The following AKAP8L variants were observed in gnomAD, a reference collection of about 807,000 sequenced individuals.
AKAP8L encodes A-kinase anchoring protein 8 like, also known as A-kinase anchor protein 8-like.
Under a neutral mutation model 77.5 loss-of-function variants are expected in AKAP8L, and 34 were observed. The ratio of observed to expected loss-of-function variants is 0.44; its 90% CI spans 0.33 to 0.58. The LOEUF is 0.58. AKAP8L is among the 20% of genes least tolerant of loss of function. AKAP8L has a pLI of 0.02. For synonymous variants in AKAP8L, 342 were observed against 340.7 expected, an observed-to-expected ratio of 1.00 and a Z score of -0.04; for missense variants, 806 against 887.6, an observed-to-expected ratio of 0.91 and a Z score of 1.17.
intron 12 of AKAP8L, among the ~76,000 whole-genome samples, chr19:15,389,854 A>G (rs1382526773): frequency 6.6e-6 from 1 of 152,166 alleles, no homozygotes; most frequent in Non-Finnish European, 1.5e-5. Context: ...GCCAAGAGTC[A>G]AAGACAGGGG....
At chr19:15,389,544 G>A (rs925314561) in intron 12 of AKAP8L, among the ~76,000 whole-genome samples, 2 of 151,448 alleles carry the variant, frequency 1.3e-5, no homozygotes, top group Non-Finnish European at 2.9e-5. Flanking sequence ...AGGCCGAGGC[G>A]GGCAGATCAC....
chr19:15,398,168 T>G lies in AKAP8L; in HGVS notation c.1158-313A>C. On this transcript the variant is annotated intron_variant, in intron 9 of 13. Coordinates refer to ENST00000397410, the MANE Select transcript of AKAP8L (RefSeq NM_014371.4). This position sits in a 1 kb window ranked among gnomAD's most constrained non-coding sequence, Gnocchi z 9.2. Reference sequence around the variant, plus strand: ...CTGGAAAGTTGCTGGAGGGCCTCGCTACCAAGGCTGGGCAGGAGCGTGTGC... The same window carrying G: ...CTGGAAAGTTGCTGGAGGGCCTCGCGACCAAGGCTGGGCAGGAGCGTGTGC... 3 of 397,778 alleles carry G rather than the reference T, an allele frequency of 7.5e-6. No individual in the cohort carries two copies. Among genetic ancestry groups the G allele is most frequent in the East Asian group, 1.1e-4 (2 of 18,802 alleles). 24.6% of individuals were successfully genotyped at this position (397,778 alleles called of 1,614,324 possible).
At chr19:15,414,783 T>C (rs1968174092) in intron 1 of AKAP8L, among the ~76,000 whole-genome samples, 1 of 151,866 alleles carries the variant, frequency 6.6e-6, no homozygotes, top group African/African-American at 2.4e-5. Context: ...CCACCACGCC[T>C]AGCCCACGGA....
At chr19:15,395,892 G>A (rs1202325295) in intron 12 of AKAP8L, among the ~76,000 whole-genome samples, 2 of 141,052 alleles carry the variant, frequency 1.4e-5, no homozygotes, top group Non-Finnish European at 3.0e-5. Context: ...GCTGAGGCAG[G>A]AGAATGGCGT....
chr19:15,405,597 T>C (rs891927021), intron 2 of AKAP8L, among the ~76,000 whole-genome samples: 1 of 151,218 alleles, frequency 6.6e-6, no homozygotes. Flanking sequence ...CAAGTGACTG[T>C]TTGTACCAGG....
In AKAP8L at chr19:15,405,650, G is replaced by A. The variant is rs367702193; in HGVS notation, c.89-1608C>T. Among the ~76,000 whole-genome samples the A allele has an allele frequency of 1.6e-3, 244 of 152,206 alleles. 5 individuals are homozygous for A. The highest frequency in any genetic ancestry group is 5.6e-3 in the African/African-American group (234 of 41,538). On this transcript the variant is annotated intron_variant, in intron 2 of 13. Coordinates refer to ENST00000397410, the MANE Select transcript of AKAP8L (RefSeq NM_014371.4). ...ATTCTAAAGAAAATAGGAGTTGGGC[G>A]TGGTGGCTCATGCCTGTAATCCCAG...
chr19:15,407,578 A>C, intron 2 of AKAP8L, among the ~76,000 whole-genome samples: 1 of 152,260 alleles, frequency 6.6e-6, no homozygotes, highest in East Asian at 1.9e-4. Context: ...TACAAGGTAA[A>C]CCTACAAATC....
intron 1 of AKAP8L, among the ~76,000 whole-genome samples, chr19:15,417,426 G>C (rs182413562): frequency 1.3e-5 from 2 of 152,198 alleles, no homozygotes. Flanking sequence ...ACTTCTTTGC[G>C]GTAGGTGTCA....
chr19:15,399,269 G>A lies in AKAP8L; in HGVS notation c.1157+33C>T. 1 of 1,569,524 alleles carries A rather than the reference G, an allele frequency of 6.4e-7. No homozygotes were observed. Among genetic ancestry groups the A allele is most frequent in the African/African-American group, 1.3e-5 (1 of 74,186 alleles). On this transcript the variant is annotated intron_variant, in intron 9 of 13. Coordinates refer to ENST00000397410, the MANE Select transcript of AKAP8L (RefSeq NM_014371.4). The surrounding 1 kb of genome is among the most constrained non-coding windows in gnomAD (Gnocchi z 6.1). Reference sequence around the variant, plus strand: ...CTCCTGGCGGCAGCCCCACAGCGAGGCAGAGGCAGAGGGGTGGAGGGAAGC... The same window carrying A: ...CTCCTGGCGGCAGCCCCACAGCGAGACAGAGGCAGAGGGGTGGAGGGAAGC...
intron 12 of AKAP8L, among the ~76,000 whole-genome samples, chr19:15,394,973 T>G (rs1454229317): frequency 7.3e-6 from 1 of 137,546 alleles, no homozygotes; most frequent in African/African-American, 2.8e-5. Context: ...TTTTTTTTTT[T>G]AACTTCTTTT....
chr19:15,385,634 C>T lies in AKAP8L; in HGVS notation c.1537-5022G>A, dbSNP rs1405913476. Among the ~76,000 whole-genome samples the T allele has an allele frequency of 1.4e-4, 22 of 152,186 alleles. 1 individual carries two copies. Among genetic ancestry groups the T allele is most frequent in the Non-Finnish European group, 4.4e-5 (3 of 68,012 alleles). The stretch of plus-strand genomic sequence containing the variant: ...TATTTTTTTGAGACAGAGTCTTGCT[C>T]TGTTGCCCCGGCTGGAATGCAGTGG... On this transcript the variant is annotated intron_variant, in intron 12 of 13. Coordinates refer to ENST00000397410, the MANE Select transcript of AKAP8L (RefSeq NM_014371.4).
At chr19:15,411,580 C>T (rs537872612) in intron 1 of AKAP8L, among the ~76,000 whole-genome samples, 14 of 152,136 alleles carry the variant, frequency 9.2e-5, no homozygotes, top group Middle Eastern at 6.8e-3. Context: ...GCTATGATTG[C>T]GCCACTGCAT....
At chr19:15,411,560 G>A (rs1968105517) in intron 1 of AKAP8L, among the ~76,000 whole-genome samples, 1 of 152,082 alleles carries the variant, frequency 6.6e-6, no homozygotes. Context: ...GAAGGTCAAG[G>A]CTGCAGTGAG....
chr19:15,382,320 G>A (rs1409415823), intron 12 of AKAP8L, among the ~76,000 whole-genome samples: 1 of 151,320 alleles, frequency 6.6e-6, no homozygotes, highest in African/African-American at 2.4e-5. Context: ...TCATGCCTCA[G>A]CCTCCTGAGT....
intron 12 of AKAP8L, among the ~76,000 whole-genome samples, chr19:15,385,977 C>T (rs949297843): frequency 3.3e-5 from 5 of 150,198 alleles, no homozygotes; most frequent in African/African-American, 1.2e-4. Context: ...GTGGCGCGAT[C>T]TCGGCTCACT....
chr19:15,389,371 G>GT (rs1967611814), intron 12 of AKAP8L, among the ~76,000 whole-genome samples: 1 of 152,108 alleles, frequency 6.6e-6, no homozygotes, highest in South Asian at 2.1e-4. Context: ...CAACATACGG[G>GT]TAATGAGCAT....
rs1968273609 is a variant in AKAP8L, at chr19:15,418,920, T to A, written c.4A>T (p.Ser2Cys). Residue 2 changes from serine to cysteine, a missense_variant, in exon 1 of 14, where the codon AGC becomes TGC. Ser to Cys is a moderately radical substitution (Grantham distance 112). This residue lies in a region of AKAP8L where 580 missense variants were observed against 694.1 expected (regional missense o/e 0.84). Coordinates refer to ENST00000397410, the MANE Select transcript of AKAP8L (RefSeq NM_014371.4). Reference sequence around the variant, plus strand: ...ACCCTGCCAGGCCCACCTGTGTAGCTCATGGTGGCGGGCAACACAACATCC... The same window carrying A: ...ACCCTGCCAGGCCCACCTGTGTAGCACATGGTGGCGGGCAACACAACATCC... M[S>C]YTGFVQGSET... 6.2e-7 allele frequency: 1 copy of A among 1,604,436 alleles called. No individual in the cohort carries two copies.
In AKAP8L at chr19:15,397,723, G is replaced by A. The variant is rs2145127402; in HGVS notation, c.1290C>T (p.Asp430=). Residue 430 remains aspartate (D), a synonymous_variant, in exon 10 of 14, where the codon GAC becomes GAT. Transcript: ENST00000397410. This position sits in a 1 kb window ranked among gnomAD's most constrained non-coding sequence, Gnocchi z 4.7. ...VGTKLPKQTA[D]FLQEYVTNKT... Reference sequence around the variant, plus strand: ...TTACTCCAAGGCTCACCTGCAGAAAGTCAGCCGTCTGCTTAGGGAGCTTGG... The same window carrying A: ...TTACTCCAAGGCTCACCTGCAGAAAATCAGCCGTCTGCTTAGGGAGCTTGG... 2 of 1,614,058 alleles carry A rather than the reference G, an allele frequency of 1.2e-6. No individual in the cohort carries two copies. Among genetic ancestry groups the A allele is most frequent in the East Asian group, 2.2e-5 (1 of 44,890 alleles).
At chr19:15,380,821 G>C in intron 12 of AKAP8L, 1 of 589,454 alleles carries the variant, frequency 1.7e-6, no homozygotes, top group Non-Finnish European at 3.0e-6. Flanking sequence ...ACTTACTGTA[G>C]GTAAATAAAA....
Sources: gnomAD v4.1 joint callset for allele counts (sites outside exome capture counted in the v4.1 genomes callset) on GRCh38, gnomAD v4.1.1 for gene constraint, gnomAD v4.1.1 regional missense constraint, Gnocchi (gnomAD v3.1) non-coding constraint, MANE v1.5 for transcripts, NCBI Gene and HGNC (gene_info 2026-07-23, HGNC 2026-07-21) for gene names.